Variants in DOCK1 observed in about 807,000 individuals in gnomAD.
DOCK1 encodes the protein dedicator of cytokinesis 1.
Under a neutral mutation model 262.7 loss-of-function variants are expected in DOCK1, and 138 were observed. That is an observed-to-expected ratio of 0.53 (90% CI 0.46 to 0.61). The LOEUF (loss-of-function observed/expected upper bound fraction) is 0.61. Ranked by LOEUF, DOCK1 falls within the 20% of genes least tolerant of loss-of-function variation. DOCK1 has a pLI of 0.00. For missense variants in DOCK1, 1,908 were observed against 2,370.7 expected (o/e 0.80, Z 4.05); for synonymous variants, 866 against 867.4 (o/e 1.00, Z 0.03).
intron 4 of DOCK1, among the ~76,000 whole-genome samples, chr10:126,986,896 C>T (rs777201765): frequency 6.6e-6 from 1 of 151,976 alleles, no homozygotes; most frequent in East Asian, 1.9e-4. Flanking sequence ...TGTGACAGAG[C>T]GAGACACCGT....
Position 127,175,437 on chromosome 10 carries a change from T to A in DOCK1, c.2847+47673T>A, listed in dbSNP as rs1235460391. On this transcript the variant is annotated intron_variant, in intron 27 of 51. Coordinates refer to ENST00000623213, the MANE Select transcript of DOCK1 (RefSeq NM_001290223.2). This position sits in a 1 kb window ranked among gnomAD's most constrained non-coding sequence, Gnocchi z 6.3. ...CGGGGTGTGAGTCTGCGACGGCTGC[T>A]CACTACATTCGGGGGACAGGCACTG... 2.5e-6 allele frequency: 4 copies of A among 1,612,502 alleles called. No homozygotes were observed. In the African/African-American group the frequency reaches 5.3e-5, roughly 21 times the overall value.
chr10:126,905,637 G>C (rs952271889), intron 1 of DOCK1, 74 bp downstream of exon 1: 18 of 242,264 alleles, frequency 7.4e-5, no homozygotes, highest in African/African-American at 3.7e-4. Context: ...CCGGGCGCCT[G>C]TTGCCGCCGC....
At chr10:127,419,995 G>GGTC (rs2068402413) in intron 46 of DOCK1, among the ~76,000 whole-genome samples, 1 of 152,180 alleles carries the variant, frequency 6.6e-6, no homozygotes, top group Non-Finnish European at 1.5e-5. Flanking sequence ...TCCTCCCCTT[G>GGTC]GTCAATTCTG....
At chr10:126,919,735 C>T (rs969951739) in intron 1 of DOCK1, among the ~76,000 whole-genome samples, 5 of 152,240 alleles carry the variant, frequency 3.3e-5, no homozygotes, top group African/African-American at 1.2e-4. Context: ...ACATGCTTCC[C>T]CTCCAGTCCC....
At chr10:127,272,706 A>G (rs767376061) in intron 29 of DOCK1, among the ~76,000 whole-genome samples, 3 of 152,212 alleles carry the variant, frequency 2.0e-5, no homozygotes, top group Non-Finnish European at 4.4e-5. Context: ...TGATAAAGAC[A>G]TACTTGAGAC....
At chr10:127,138,133 T>C in intron 27 of DOCK1, 1 of 942,712 alleles carries the variant, frequency 1.1e-6, no homozygotes, top group South Asian at 1.8e-5. Context: ...TGTAATTTTA[T>C]GGTTTAATAA....
At chr10:127,142,163 C>T (rs2051322635) in intron 27 of DOCK1, among the ~76,000 whole-genome samples, 1 of 152,228 alleles carries the variant, frequency 6.6e-6, no homozygotes, top group Admixed American at 6.5e-5. Flanking sequence ...TTCTGAGCAC[C>T]ATCACGGTCC....
In DOCK1 at chr10:127,154,790, G is replaced by C. The variant is rs143790616; in HGVS notation, c.2847+27026G>C. ...TAAAAAATTAATAATAATGATCTTG[G>C]GGTCTTTCTGTAGTATATTGTTGAA... On this transcript the variant is annotated intron_variant, in intron 27 of 51. Coordinates refer to ENST00000623213, the MANE Select transcript of DOCK1 (RefSeq NM_001290223.2). Among the ~76,000 whole-genome samples the C allele has an allele frequency of 8.1e-3, 1,230 of 152,170 alleles. 62 individuals are homozygous for C. The highest frequency in any genetic ancestry group is 0.076 in the Admixed American group (1,164 of 15,284).
chr10:127,004,252 A>G (rs1427902960), intron 10 of DOCK1, among the ~76,000 whole-genome samples: 1 of 70,042 alleles, frequency 1.4e-5, no homozygotes, highest in African/African-American at 4.7e-5. Flanking sequence ...AAAAAAAAAG[A>G]AAAGAAAACA....
chr10:127,216,260 G>GCT (rs1489902434), intron 27 of DOCK1, among the ~76,000 whole-genome samples: 1 of 150,442 alleles, frequency 6.6e-6, no homozygotes, highest in Non-Finnish European at 1.5e-5. Context: ...TTAGGAAGTA[G>GCT]CTATCTGTGA....
At chr10:127,402,655 C>A (rs775882760) in intron 38 of DOCK1, 1 of 520,318 alleles carries the variant, frequency 1.9e-6, no homozygotes, top group Non-Finnish European at 3.8e-6. Context: ...GTCAGGCGCC[C>A]AGTTTCTACA....
chr10:126,950,181 G>C (rs985025831), intron 1 of DOCK1, among the ~76,000 whole-genome samples: 22 of 152,012 alleles, frequency 1.4e-4, no homozygotes, highest in Non-Finnish European at 2.5e-4. Context: ...CCATGGTAAG[G>C]GGCTAATAGC....
intron 29 of DOCK1, among the ~76,000 whole-genome samples, chr10:127,309,902 G>C (rs1236701903): frequency 6.7e-6 from 1 of 148,338 alleles, no homozygotes; most frequent in Non-Finnish European, 1.5e-5. Flanking sequence ...TTGAGACACA[G>C]TCTCACTCTA....
In DOCK1 at chr10:126,998,106, C is replaced by T. The variant is rs2040340041; in HGVS notation, c.624C>T (p.Asn208=). ...TCCATACACAGTCTCAAAAGCAGAA[C>T]ATAGATATTAACAGACAAGCCAAGT... ...RLQEEKSQKQ[N]IDINRQAKFA... is the part of the protein sequence containing the mutation. Residue 208 remains asparagine, a synonymous_variant, in exon 8 of 52, where the codon AAC becomes AAT. Coordinates refer to ENST00000623213, the MANE Select transcript of DOCK1 (RefSeq NM_001290223.2). 5.0e-6 allele frequency: 8 copies of T among 1,613,982 alleles called. No homozygotes were observed. The highest frequency in any genetic ancestry group is 1.1e-5 in the South Asian group (1 of 91,082).
At chr10:127,223,267 A>G (rs2058510457) in intron 27 of DOCK1, among the ~76,000 whole-genome samples, 2 of 152,244 alleles carry the variant, frequency 1.3e-5, no homozygotes, top group African/African-American at 4.8e-5. Flanking sequence ...AATGTATACA[A>G]AAGCAAATCA....
intron 1 of DOCK1, among the ~76,000 whole-genome samples, chr10:126,925,872 C>T (rs1335492791): frequency 6.6e-6 from 1 of 151,624 alleles, no homozygotes; most frequent in African/African-American, 2.4e-5. Context: ...TGGGGTGTGC[C>T]TGCTATGTGT....
At chr10:127,276,567 G>A (rs896520904) in intron 29 of DOCK1, among the ~76,000 whole-genome samples, 2 of 152,058 alleles carry the variant, frequency 1.3e-5, no homozygotes, top group African/African-American at 2.4e-5. Context: ...CACAAAGCAG[G>A]GACTCGGACA....
At chr10:127,088,920 G>A (rs932051053) in intron 23 of DOCK1, among the ~76,000 whole-genome samples, 3 of 152,142 alleles carry the variant, frequency 2.0e-5, no homozygotes, top group South Asian at 2.1e-4. Flanking sequence ...CGGCCCCACC[G>A]CTGCAGAGAA....
intron 12 of DOCK1, among the ~76,000 whole-genome samples, chr10:127,015,557 T>G: frequency 6.6e-6 from 1 of 151,628 alleles, no homozygotes; most frequent in Non-Finnish European, 1.5e-5. Context: ...AGCGAGCGGG[T>G]CTTCCTATTT....
Sources: allele counts gnomAD v4.1 joint callset (sites outside exome capture counted in the v4.1 genomes callset), GRCh38; gene constraint gnomAD v4.1.1; non-coding constraint Gnocchi (gnomAD v3.1); transcripts MANE v1.5; gene names NCBI Gene and HGNC (gene_info 2026-07-23, HGNC 2026-07-21).